The following C12orf42 variants were observed in gnomAD, a reference collection of about 807,000 sequenced individuals.
The protein encoded by C12orf42 is uncharacterized protein C12orf42.
C12orf42 carries 25 observed loss-of-function variants against 21.6 expected under a neutral mutation model. That is an observed-to-expected ratio of 1.16 (90% CI 0.84 to 1.62). The LOEUF (loss-of-function observed/expected upper bound fraction) is 1.62. C12orf42 is among the 40% of genes most tolerant of loss of function. C12orf42 has a pLI of 0.00. For missense variants in C12orf42, 483 were observed against 459.3 expected, an observed-to-expected ratio of 1.05 and a Z score of -0.47; for synonymous variants, 174 against 175.0, an observed-to-expected ratio of 0.99 and a Z score of 0.05.
At chr12:103,164,477 T>C in the C12orf42 span, 1 of 454,832 alleles carries the variant, frequency 2.2e-6, no homozygotes, top group South Asian at 1.6e-5. Context: ...AATGAATTAC[T>C]GAATAAGTGA....
At chr12:103,096,184 C>T in the C12orf42 span, among the ~76,000 whole-genome samples, 1 of 152,028 alleles carries the variant, frequency 6.6e-6, no homozygotes, top group Admixed American at 6.6e-5. Flanking sequence ...CAATCAGGTG[C>T]CATCTGAAAG....
chr12:103,558,347 C>T, the C12orf42 span: 1 of 152,202 alleles, frequency 6.6e-6, no homozygotes, highest in Admixed American at 6.5e-5. Flanking sequence ...AAAGACTTCT[C>T]CCACTTCTGT....
chr12:103,068,932 CACATAT>C, the C12orf42 span, among the ~76,000 whole-genome samples: 387 of 48,186 alleles, frequency 8.0e-3, 35 homozygotes, highest in Admixed American at 0.014. Context: ...TCTCTCTCTC[CACATAT>C]ATATATATAT....
At chr12:103,322,831 T>G (rs1231216388) in intron 4 of C12orf42, among the ~76,000 whole-genome samples, 3 of 152,216 alleles carry the variant, frequency 2.0e-5, no homozygotes, top group Non-Finnish European at 4.4e-5. Flanking sequence ...TTTGATAAGT[T>G]GTGAAGACTT....
At chr12:103,238,227 CTT>C (rs112024543) in intron 10 of C12orf42, among the ~76,000 whole-genome samples, 3 of 145,528 alleles carry the variant, frequency 2.1e-5, no homozygotes, top group Admixed American at 6.9e-5. Flanking sequence ...CGGCTACATC[CTT>C]TTTTTTTTTT....
At chr12:103,342,500 C>G (rs2042249863) in intron 4 of C12orf42, among the ~76,000 whole-genome samples, 1 of 152,048 alleles carries the variant, frequency 6.6e-6, no homozygotes, top group Non-Finnish European at 1.5e-5. Flanking sequence ...ATCCCCAAAT[C>G]TGGCCAAGTG....
At chr12:103,153,159 G>GA in the C12orf42 span, among the ~76,000 whole-genome samples, 1 of 152,120 alleles carries the variant, frequency 6.6e-6, no homozygotes, top group Non-Finnish European at 1.5e-5. Context: ...ACTTTACATT[G>GA]TGTACCAAAT....
chr12:103,409,438 A>T (rs1277913761), intron 2 of C12orf42, among the ~76,000 whole-genome samples: 1 of 152,206 alleles, frequency 6.6e-6, no homozygotes, highest in African/African-American at 2.4e-5. Context: ...AGCAATCAGC[A>T]CAATATGGCT....
the C12orf42 span, among the ~76,000 whole-genome samples, chr12:103,147,761 C>T: frequency 6.6e-6 from 1 of 151,736 alleles, no homozygotes; most frequent in African/African-American, 2.4e-5. Flanking sequence ...CCCTGGTCCC[C>T]TTTTCTATCT....
intron 4 of C12orf42, among the ~76,000 whole-genome samples, chr12:103,333,922 T>C (rs2041464044): frequency 6.6e-6 from 1 of 152,218 alleles, no homozygotes; most frequent in Non-Finnish European, 1.5e-5. Flanking sequence ...ACCAGAGTTA[T>C]AACAGCAGCA....
Position 103,332,075 on chromosome 12 carries a change from A to C in C12orf42, c.260-25730T>G, listed in dbSNP as rs150275559. On this transcript the variant is annotated intron_variant, in intron 4 of 5. Coordinates refer to ENST00000548883, the MANE Select transcript of C12orf42 (RefSeq NM_198521.5). ...GCATGACAATGAAAGTGGTTTGAGC[A>C]AAGGGAAGTATAAAGAAAAGAGGTG... Among the ~76,000 whole-genome samples the C allele has an allele frequency of 4.1e-3, 620 of 152,306 alleles. 11 individuals carry two copies. The highest frequency in any genetic ancestry group is 0.014 in the African/African-American group (590 of 41,578).
At chr12:103,559,518 A>G in the C12orf42 span, 1 of 152,236 alleles carries the variant, frequency 6.6e-6, no homozygotes, top group Non-Finnish European at 1.5e-5. Flanking sequence ...ATTAAGCCTA[A>G]GGATGGTCTC....
At chr12:103,145,970 AAG>A in the C12orf42 span, among the ~76,000 whole-genome samples, 8 of 149,350 alleles carry the variant, frequency 5.4e-5, no homozygotes, top group Admixed American at 5.4e-4. Flanking sequence ...GAGAGAGAGA[AAG>A]AGAGAAAGAG....
intron 1 of C12orf42, among the ~76,000 whole-genome samples, chr12:103,493,013 C>G (rs1486201578): frequency 6.6e-6 from 1 of 152,172 alleles, no homozygotes; most frequent in Admixed American, 6.5e-5. Context: ...CTACCTTAAT[C>G]CAGGATTAAG....
At chr12:103,372,906 C>G (rs1308672877) in intron 3 of C12orf42, among the ~76,000 whole-genome samples, 1 of 152,126 alleles carries the variant, frequency 6.6e-6, no homozygotes, top group Non-Finnish European at 1.5e-5. Flanking sequence ...TTTTGAAATG[C>G]AGTATTATAT....
the C12orf42 span, among the ~76,000 whole-genome samples, chr12:103,124,614 T>C: frequency 3.0e-4 from 45 of 152,264 alleles, no homozygotes; most frequent in East Asian, 8.7e-3. Context: ...GCAGGCTGCC[T>C]GGATACAGAT....
chr12:103,420,076 G>A (rs960302922), intron 2 of C12orf42, among the ~76,000 whole-genome samples: 23 of 152,108 alleles, frequency 1.5e-4, no homozygotes, highest in African/African-American at 4.3e-4. Flanking sequence ...TCTTTAGAAA[G>A]GAAATGTTAC....
the C12orf42 span, among the ~76,000 whole-genome samples, chr12:103,099,752 T>G: frequency 6.6e-6 from 1 of 152,232 alleles, no homozygotes; most frequent in Non-Finnish European, 1.5e-5. Flanking sequence ...GGACCAATTC[T>G]CAACAACCTG....
At chr12:103,558,000 G>C in the C12orf42 span, 1 of 152,132 alleles carries the variant, frequency 6.6e-6, no homozygotes, top group Non-Finnish European at 1.5e-5. Context: ...CATACATTGC[G>C]CTATAGAATT....
Sources: gnomAD v4.1 joint callset for allele counts (sites outside exome capture counted in the v4.1 genomes callset) on GRCh38, gnomAD v4.1.1 for gene constraint, MANE v1.5 for transcripts, NCBI Gene and HGNC (gene_info 2026-07-23, HGNC 2026-07-21) for gene names.